Variants in SNX29 observed in about 807,000 individuals in gnomAD.
SNX29 encodes the protein sorting nexin-29.
SNX29 carries 78 observed loss-of-function variants against 102.1 expected under a neutral mutation model. The observed-to-expected ratio is 0.76, with a 90% CI of 0.64 to 0.92. SNX29 has a LOEUF of 0.92. SNX29 is among the 40% of genes least tolerant of loss of function. The pLI is 0.00. For synonymous variants in SNX29, 580 were observed against 414.5 expected (o/e 1.40, Z -4.85); for missense variants, 1,280 against 1,061.7 (o/e 1.21, Z -2.86).
intron 13 of SNX29, among the ~76,000 whole-genome samples, chr16:12,196,446 A>G (rs561960179): frequency 2.6e-5 from 4 of 152,208 alleles, no homozygotes; most frequent in East Asian, 1.9e-4. Flanking sequence ...CTACATACGT[A>G]TGGATCTCTG....
chr16:12,427,267 C>T (rs1027597880), intron 18 of SNX29, among the ~76,000 whole-genome samples: 10 of 151,424 alleles, frequency 6.6e-5, no homozygotes, highest in Admixed American at 2.0e-4. Flanking sequence ...GTTTGTTTGT[C>T]GTTGCTGTTG....
chr16:12,570,274 CCTGCAG>C lies in SNX29; in HGVS notation c.*1646_*1651del. On this transcript the variant is annotated 3_prime_UTR_variant, in exon 21 of 21. Transcript: ENST00000566228. ...CTGGAGCATGTATGGAGGTGCGGACCCTGCAGTCAGTTTGCGAGTGTGGAGGACCCG... is the reference window on the plus strand; with the variant it reads ...CTGGAGCATGTATGGAGGTGCGGACCTCAGTTTGCGAGTGTGGAGGACCCG... The C allele has an allele frequency of 9.4e-7, 1 of 1,064,692 alleles. No individual in the cohort carries two copies. Among genetic ancestry groups the C allele is most frequent in the Non-Finnish European group, 1.1e-6 (1 of 878,782 alleles). 66.0% of individuals were successfully genotyped at this position (1,064,692 alleles called of 1,614,324 possible).
Position 12,496,507 on chromosome 16 carries a change from CTTT to C in SNX29, c.2178+18668_2178+18670del, listed in dbSNP as rs537441350. On this transcript the variant is annotated intron_variant, in intron 19 of 20. Coordinates refer to ENST00000566228, the MANE Select transcript of SNX29 (RefSeq NM_032167.5). ...TCTCACACCTCCTTGGCTCTCATGG[CTTT>C]TTTTTTTTTTTTTTTTTTTAAACCT... Among the ~76,000 whole-genome samples the C allele has an allele frequency of 2.4e-3, 274 of 115,192 alleles. 2 individuals carry two copies. Among genetic ancestry groups the C allele is most frequent in the African/African-American group, 9.8e-3 (254 of 26,022 alleles). The allele number at this position is 115,192 out of a possible 152,430, so 75.6% of individuals were successfully genotyped here.
chr16:12,231,309 G>A (rs1191821414), intron 14 of SNX29, among the ~76,000 whole-genome samples: 1 of 152,138 alleles, frequency 6.6e-6, no homozygotes, highest in Non-Finnish European at 1.5e-5. Flanking sequence ...ACAGAACTTC[G>A]TTTAAAGTAT....
At chr16:12,087,752 C>G (rs1434030091) in intron 11 of SNX29, 1 of 427,944 alleles carries the variant, frequency 2.3e-6, no homozygotes, top group African/African-American at 2.0e-5. Flanking sequence ...GAGGCAGAGG[C>G]CAAATACAGT....
chr16:12,568,703 C>T lies in SNX29; in HGVS notation c.*74C>T, dbSNP rs186619116. 9 of 1,562,016 alleles carry T rather than the reference C, an allele frequency of 5.8e-6. No homozygotes were observed. The highest frequency in any genetic ancestry group is 1.8e-5 in the Admixed American group (1 of 55,004). ...CCACCCCAGCCACTGCCGCTGGCCCCTCACCTCAGCGTGACAACCACGTCC... is the reference window on the plus strand; with the variant it reads ...CCACCCCAGCCACTGCCGCTGGCCCTTCACCTCAGCGTGACAACCACGTCC... On this transcript the variant is annotated 3_prime_UTR_variant, in exon 21 of 21. Transcript: ENST00000566228.
intron 20 of SNX29, among the ~76,000 whole-genome samples, chr16:12,535,756 T>G (rs1014569067): frequency 6.6e-6 from 1 of 151,880 alleles, no homozygotes; most frequent in Non-Finnish European, 1.5e-5. Flanking sequence ...CTTCCACCAC[T>G]GTGTGTCTCC....
chr16:12,427,137 A>G (rs1347848989), intron 18 of SNX29, among the ~76,000 whole-genome samples: 2 of 152,136 alleles, frequency 1.3e-5, no homozygotes, highest in East Asian at 3.9e-4. Context: ...TCTAGGCCAG[A>G]TGTAGCACCC....
At chr16:12,122,194 G>A (rs762270854) in intron 11 of SNX29, among the ~76,000 whole-genome samples, 3 of 152,178 alleles carry the variant, frequency 2.0e-5, no homozygotes, top group Non-Finnish European at 4.4e-5. Flanking sequence ...CACAGTCACC[G>A]TGGTGGAGTG....
chr16:12,065,933 A>G (rs183386355), intron 9 of SNX29, among the ~76,000 whole-genome samples: 2 of 152,282 alleles, frequency 1.3e-5, no homozygotes, highest in African/African-American at 4.8e-5. Flanking sequence ...CATCCGTAAA[A>G]TTAGATAATG....
intron 15 of SNX29, among the ~76,000 whole-genome samples, chr16:12,348,183 G>A (rs2081877525): frequency 6.6e-6 from 1 of 151,902 alleles, no homozygotes; most frequent in African/African-American, 2.4e-5. Flanking sequence ...TGACCTCCAG[G>A]GCCTCATTTT....
At chr16:12,521,225 C>T (rs1208009842) in intron 19 of SNX29, among the ~76,000 whole-genome samples, 5 of 152,042 alleles carry the variant, frequency 3.3e-5, no homozygotes, top group African/African-American at 9.7e-5. Context: ...TTCATGTAAC[C>T]AGAAATCACC....
chr16:12,414,226 G>A (rs1175561728), intron 18 of SNX29, among the ~76,000 whole-genome samples: 1 of 152,158 alleles, frequency 6.6e-6, no homozygotes, highest in African/African-American at 2.4e-5. Flanking sequence ...TTAAAAATTT[G>A]AGCCAGGTGT....
intron 14 of SNX29, among the ~76,000 whole-genome samples, chr16:12,262,028 C>G (rs562513104): frequency 5.5e-4 from 78 of 141,600 alleles, no homozygotes; most frequent in African/African-American, 1.9e-3. Flanking sequence ...GAGCTCGGGT[C>G]TGTGTGCACG....
chr16:12,039,313 T>C (rs1464641307), intron 4 of SNX29, among the ~76,000 whole-genome samples: 1 of 152,078 alleles, frequency 6.6e-6, no homozygotes, highest in Non-Finnish European at 1.5e-5. Context: ...TTTGTGTTGA[T>C]TTTATGGGAG....
chr16:12,029,037 C>A lies in SNX29; in HGVS notation c.247+1593C>A, dbSNP rs185972507. Among the ~76,000 whole-genome samples the A allele has an allele frequency of 2.5e-3, 375 of 152,074 alleles. 2 individuals are homozygous for A. Among genetic ancestry groups the A allele is most frequent in the Non-Finnish European group, 4.0e-3 (273 of 67,984 alleles). On this transcript the variant is annotated intron_variant, in intron 4 of 20. Transcript: ENST00000566228. ...CTGGGATTATACGTGTAAGCCACTG[C>A]GCCTGGCCTTGGTACTTGTGATATT...
Position 12,572,809 on chromosome 16 carries a change from G to T in SNX29, c.*4180G>T, listed in dbSNP as rs183099969. ...TCCTCCTTCCCCAGTACATCAGACT[G>T]GTTAGGAGGCATCCCAGAAGGGGCA... is the stretch of plus-strand genomic sequence containing the variant. On this transcript the variant is annotated 3_prime_UTR_variant, in exon 21 of 21. Transcript: ENST00000566228. 20 of 1,063,740 alleles carry T rather than the reference G, an allele frequency of 1.9e-5. No homozygotes were observed. The highest frequency in any genetic ancestry group is 4.9e-5 in the African/African-American group (3 of 60,984). 65.9% of individuals were successfully genotyped at this position (1,063,740 alleles called of 1,614,324 possible). A position where few individuals can be genotyped will look rare whatever the true frequency, so the allele number is the denominator to read the frequency against.
At chr16:12,288,678 G>GAA (rs532173454) in intron 15 of SNX29, among the ~76,000 whole-genome samples, 2,541 of 106,912 alleles carry the variant, frequency 0.024, 66 homozygotes, top group African/African-American at 0.081. Context: ...GACATCTGGG[G>GAA]AAAAAAAAAA....
At chr16:12,413,420 C>A (rs796751513) in intron 18 of SNX29, among the ~76,000 whole-genome samples, 1 of 151,666 alleles carries the variant, frequency 6.6e-6, no homozygotes, top group South Asian at 2.1e-4. Context: ...ATAACAGGGT[C>A]CTGACTTACC....
Sources: gnomAD v4.1 joint callset for allele counts (sites outside exome capture counted in the v4.1 genomes callset) on GRCh38, gnomAD v4.1.1 for gene constraint, MANE v1.5 for transcripts, NCBI Gene and HGNC (gene_info 2026-07-23, HGNC 2026-07-21) for gene names.